ANKRD31: variants seen among roughly 807,000 people sequenced by gnomAD.
ANKRD31 encodes ankyrin repeat domain 31, also known as ankyrin repeat domain-containing protein 31.
In ANKRD31, 147 loss-of-function variants were observed where a neutral mutation model predicts 186.0. The observed-to-expected ratio is 0.79, with a 90% CI of 0.69 to 0.91. ANKRD31 has a LOEUF of 0.91. ANKRD31 is among the 40% of genes least tolerant of loss of function. The pLI is 0.00. For synonymous variants in ANKRD31, 673 were observed against 736.4 expected, an observed-to-expected ratio of 0.91 and a Z score of 1.39; for missense variants, 1,986 against 2,148.8, an observed-to-expected ratio of 0.92 and a Z score of 1.50.
chr5:75,178,111 C>A (rs1753966587), intron 10 of ANKRD31, among the ~76,000 whole-genome samples: 1 of 152,032 alleles, frequency 6.6e-6, no homozygotes. Context: ...AGACTTTAAA[C>A]CAACAAAGAT....
chr5:75,134,922 G>T (rs546853953), intron 17 of ANKRD31, among the ~76,000 whole-genome samples: 1 of 152,122 alleles, frequency 6.6e-6, no homozygotes, highest in African/African-American at 2.4e-5. Flanking sequence ...AAAACCCCAT[G>T]ATTATCTCAA....
intron 17 of ANKRD31, among the ~76,000 whole-genome samples, chr5:75,135,400 T>G (rs1385073739): frequency 1.3e-5 from 2 of 152,106 alleles, no homozygotes; most frequent in African/African-American, 4.8e-5. Context: ...AAATCATGAG[T>G]GAACTCCCAT....
At chr5:75,134,638 G>C (rs913353161) in intron 17 of ANKRD31, among the ~76,000 whole-genome samples, 1 of 152,138 alleles carries the variant, frequency 6.6e-6, no homozygotes, top group African/African-American at 2.4e-5. Context: ...AATAGAAAAA[G>C]AGGGAATCCT....
intron 24 of ANKRD31, among the ~76,000 whole-genome samples, chr5:75,081,718 C>CAGAG (rs893724861): frequency 7.3e-5 from 10 of 136,400 alleles, no homozygotes; most frequent in South Asian, 2.3e-4. Context: ...GAGAGAGAGA[C>CAGAG]AGAGAGAGAG....
chr5:75,193,723 T>C, intron 7 of ANKRD31, 132 bp from the exon 8 acceptor site: 1 of 747,810 alleles, frequency 1.3e-6, no homozygotes. Context: ...CAAGAATTCA[T>C]AGACATATGT....
intron 13 of ANKRD31, among the ~76,000 whole-genome samples, chr5:75,148,003 T>A (rs1391697640): frequency 6.6e-6 from 1 of 151,822 alleles, no homozygotes; most frequent in Admixed American, 6.6e-5. Context: ...TTTACACAAA[T>A]GCTTTAGAAA....
At chr5:75,187,303 G>C (rs73114817) in intron 10 of ANKRD31, among the ~76,000 whole-genome samples, 6,555 of 152,018 alleles carry the variant, frequency 0.043, 456 homozygotes, top group African/African-American at 0.15. Flanking sequence ...AGAAGGAAAA[G>C]TAGAGAACAA....
At chr5:75,193,152 T>C (rs1755227725) in intron 8 of ANKRD31, among the ~76,000 whole-genome samples, 159 bp downstream of exon 8, 1 of 152,194 alleles carries the variant, frequency 6.6e-6, no homozygotes, top group South Asian at 2.1e-4. Context: ...CTCTGTGGTA[T>C]GGCACTGATC....
At chr5:75,233,562 A>G (rs1325241413) in intron 1 of ANKRD31, among the ~76,000 whole-genome samples, 1 of 152,160 alleles carries the variant, frequency 6.6e-6, no homozygotes, top group African/African-American at 2.4e-5. Context: ...ATAAAAAACT[A>G]ATATAAATAT....
In ANKRD31 at chr5:75,214,615, A is replaced by G. The variant is rs1303816755; in HGVS notation, c.289-3750T>C. Among the ~76,000 whole-genome samples, 3 of 152,170 alleles carry G rather than the reference A, an allele frequency of 2.0e-5. No individual in the cohort carries two copies. The East Asian group carries it at 5.8e-4, about 29-fold the overall frequency. On this transcript the variant is annotated intron_variant, in intron 3 of 25. Transcript: ENST00000506364. ...ATCCTTCTTCCATTACACACACATC[A>G]AACAAGCCTGTGGTTATTTATTTCC...
chr5:75,153,885 G>C (rs1751996217), intron 12 of ANKRD31, among the ~76,000 whole-genome samples: 1 of 152,012 alleles, frequency 6.6e-6, no homozygotes, highest in South Asian at 2.1e-4. Context: ...CACTGAAAAG[G>C]ATATAACCAA....
At position 75,224,141 on chromosome 5, in the gene ANKRD31, ATATATATATATATATATATG is replaced by A. The variant is rs1166876536; in HGVS notation, c.179-1803_179-1784del. Reference sequence around the variant, plus strand: ...CTCTCAGAAATAATTATATATATATATATATATATATATATATATGTATATATATATATATATACACACAT... The same window carrying A: ...CTCTCAGAAATAATTATATATATATATATATATATATATATATACACACAT... On this transcript the variant is annotated intron_variant, in intron 2 of 25. Coordinates refer to ENST00000506364, the MANE Select transcript of ANKRD31 (RefSeq NM_001372053.1). 3.8e-3 allele frequency among the ~76,000 whole-genome samples: 242 copies of A among 63,322 alleles called. 2 individuals are homozygous for A. Among genetic ancestry groups the A allele is most frequent in the African/African-American group, 0.026 (217 of 8,260 alleles). The allele number at this position is 63,322 out of a possible 152,430, so 41.5% of individuals were successfully genotyped here. A position where few individuals can be genotyped will look rare whatever the true frequency, so the allele number is the denominator to read the frequency against.
rs566652514 is a variant in ANKRD31, at chr5:75,146,463, G to T, written c.2948C>A (p.Ser983Tyr). 7 of 1,536,466 alleles carry T rather than the reference G, an allele frequency of 4.6e-6. No individual in the cohort carries two copies. In the African/African-American group the frequency reaches 9.6e-5, roughly 21 times the overall value. ...NFSYSDNAVI[S>Y]EHVANYEQCI... is the part of the protein sequence containing the mutation. Reference sequence around the variant, plus strand: ...TTGTTCATAATTTGCAACATGTTCAGAAATAACTGCATTATCTGAATAAGA... The same window carrying T: ...TTGTTCATAATTTGCAACATGTTCATAAATAACTGCATTATCTGAATAAGA... The change falls in exon 14 of 26, where the codon TCT (serine) becomes TAT (tyrosine). Residue 983 changes from serine (S) to tyrosine (Y), a missense_variant. Transcript: ENST00000506364.
intron 9 of ANKRD31, among the ~76,000 whole-genome samples, chr5:75,189,992 G>C (rs1219007521): frequency 6.7e-6 from 1 of 148,788 alleles, no homozygotes; most frequent in East Asian, 2.0e-4. Flanking sequence ...ATATGCTCAA[G>C]TTTTGTTTAG....
chr5:75,226,685 A>G (rs1403141258), intron 2 of ANKRD31, among the ~76,000 whole-genome samples: 1 of 152,230 alleles, frequency 6.6e-6, no homozygotes, highest in Non-Finnish European at 1.5e-5. Context: ...ATCATGGATC[A>G]TTGGAGAAAT....
chr5:75,156,721 G>A (rs1294596139), intron 11 of ANKRD31, among the ~76,000 whole-genome samples: 1 of 152,148 alleles, frequency 6.6e-6, no homozygotes, highest in African/African-American at 2.4e-5. Context: ...AAAGTCAAGG[G>A]AGAGGTTGAA....
At chr5:75,193,944 G>A (rs146984869) in intron 7 of ANKRD31, among the ~76,000 whole-genome samples, 579 of 152,190 alleles carry the variant, frequency 3.8e-3, no homozygotes, top group African/African-American at 0.013. Context: ...GTCACACTAG[G>A]CTAGATCAAT....
chr5:75,138,118 A>G (rs1750743076), intron 16 of ANKRD31, 120 bp from the exon 17 acceptor site: 2 of 840,826 alleles, frequency 2.4e-6, no homozygotes, highest in African/African-American at 1.8e-5. Context: ...ATATGTATAT[A>G]CTAAGTATTG....
chr5:75,173,779 C>G (rs1288215825), intron 10 of ANKRD31, among the ~76,000 whole-genome samples: 1 of 152,108 alleles, frequency 6.6e-6, no homozygotes, highest in African/African-American at 2.4e-5. Flanking sequence ...TACGACAAAT[C>G]AATATGATGA....
Sources: allele counts gnomAD v4.1 joint callset (sites outside exome capture counted in the v4.1 genomes callset), GRCh38; gene constraint gnomAD v4.1.1; transcripts MANE v1.5; gene names NCBI Gene and HGNC (gene_info 2026-07-23, HGNC 2026-07-21).